The following GRPEL2 variants were observed in gnomAD, a reference collection of about 807,000 sequenced individuals.
GRPEL2 encodes the protein GrpE like 2, mitochondrial, also known as grpE protein homolog 2, mitochondrial.
A neutral mutation model predicts 25.9 loss-of-function variants in GRPEL2; 18 were observed. The observed-to-expected ratio is 0.70, with a 90% CI of 0.48 to 1.03. GRPEL2 has a LOEUF of 1.03. GRPEL2 is among the 50% of genes least tolerant of loss of function. The pLI, the probability that GRPEL2 is intolerant of heterozygous loss-of-function variation, is 0.00. For synonymous variants in GRPEL2, 106 were observed against 107.9 expected (o/e 0.98, Z 0.11); for missense variants, 247 against 276.2 (o/e 0.89, Z 0.75).
At chr5:149,349,425 C>G (rs913424027) in intron 2 of GRPEL2, among the ~76,000 whole-genome samples, 1 of 152,160 alleles carries the variant, frequency 6.6e-6, no homozygotes, top group East Asian at 1.9e-4. Context: ...AACTTGAAAC[C>G]GTTAGGAGTT....
rs1757822309 is a variant in GRPEL2, at chr5:149,354,284, C to A, written c.*3002C>A. The A allele has an allele frequency of 6.6e-6, 1 of 152,194 alleles. No individual in the cohort carries two copies. Among genetic ancestry groups the A allele is most frequent in the Admixed American group, 6.5e-5 (1 of 15,280 alleles). 9.4% of individuals were successfully genotyped at this position (152,194 alleles called of 1,614,324 possible). On this transcript the variant is annotated 3_prime_UTR_variant, in exon 4 of 4. Transcript: ENST00000329271. ...GAAAAGACATTGACTTGAGATGATA[C>A]TAAGGAAGCTTTGGCTCACTCTCAC... is the stretch of plus-strand genomic sequence containing the variant.
rs1260652292 is a variant in GRPEL2, at chr5:149,354,383, G to C, written c.*3101G>C. 6.6e-6 allele frequency: 1 copy of C among 152,212 alleles called. No homozygotes were observed. The highest frequency in any genetic ancestry group is 1.5e-5 in the Non-Finnish European group (1 of 68,036). 9.4% of individuals were successfully genotyped at this position (152,212 alleles called of 1,614,324 possible). On this transcript the variant is annotated 3_prime_UTR_variant, in exon 4 of 4. Transcript: ENST00000329271. ...TACTGACTTTTCTTACTGCTGTAAAGGAATCAGGCAGTTGGGTATTGATAT... is the reference window on the plus strand; with the variant it reads ...TACTGACTTTTCTTACTGCTGTAAACGAATCAGGCAGTTGGGTATTGATAT...
At chr5:149,349,773 G>A (rs1757747756) in intron 3 of GRPEL2, 38 bp downstream of exon 3, 1 of 1,457,706 alleles carries the variant, frequency 6.9e-7, no homozygotes, top group African/African-American at 1.4e-5. Flanking sequence ...TCTTTGGTTG[G>A]GCACAGTGGC....
At position 149,351,631 on chromosome 5, in the gene GRPEL2, A is replaced by G. The variant is rs189160051; in HGVS notation, c.*349A>G. On this transcript the variant is annotated 3_prime_UTR_variant, in exon 4 of 4. Coordinates refer to ENST00000329271, the MANE Select transcript of GRPEL2 (RefSeq NM_152407.4). ...GTCTCTATAACAGGAATTGTGTAGT[A>G]TCTTGTATTTTGTGGAAAAAGGAGA... 1 of 174,322 alleles carries G rather than the reference A, an allele frequency of 5.7e-6. No individual in the cohort carries two copies. Among genetic ancestry groups the G allele is most frequent in the East Asian group, 1.5e-4 (1 of 6,700 alleles). 10.8% of individuals were successfully genotyped at this position (174,322 alleles called of 1,614,324 possible). A position where few individuals can be genotyped will look rare whatever the true frequency, so the allele number is the denominator to read the frequency against.
At chr5:149,349,043 T>G (rs906087966) in intron 2 of GRPEL2, among the ~76,000 whole-genome samples, 1 of 152,100 alleles carries the variant, frequency 6.6e-6, no homozygotes, top group Non-Finnish European at 1.5e-5. Context: ...TTGTCCAGGC[T>G]GGAGTACAAT....
Position 149,351,483 on chromosome 5 carries a change from AACAGTGTG to A in GRPEL2, c.*206_*213del, listed in dbSNP as rs1018052760. ...CAGAAGTCTTACCATTGGGCATTTGAACAGTGTGACAGGTGTTCCAATGGCCTTTATCA... is the reference window on the plus strand; with the variant it reads ...CAGAAGTCTTACCATTGGGCATTTGAACAGGTGTTCCAATGGCCTTTATCA... On this transcript the variant is annotated 3_prime_UTR_variant, in exon 4 of 4. Transcript: ENST00000329271. 5 of 559,466 alleles carry A rather than the reference AACAGTGTG, an allele frequency of 8.9e-6. No individual in the cohort carries two copies. The African/African-American group carries it at 9.4e-5, about 10-fold the overall frequency. 34.7% of individuals were successfully genotyped at this position (559,466 alleles called of 1,614,324 possible).
rs1757682440 is a variant in GRPEL2 at position 149,345,957 on chromosome 5, C to T, written c.77+341C>T. 4 of 333,326 alleles carry T rather than the reference C, an allele frequency of 1.2e-5. No individual in the cohort carries two copies. In the East Asian group the frequency reaches 2.7e-4, roughly 23 times the overall value. The allele number at this position is 333,326 out of a possible 1,614,324, so 20.6% of individuals were successfully genotyped here. ...TGTGGGTAAATTTGGGTTCTCTCCCCTCACTCCGTGTGACCTAAGGCCAGT... is the reference window on the plus strand; with the variant it reads ...TGTGGGTAAATTTGGGTTCTCTCCCTTCACTCCGTGTGACCTAAGGCCAGT... On this transcript the variant is annotated intron_variant, in intron 1 of 3. Coordinates refer to ENST00000329271, the MANE Select transcript of GRPEL2 (RefSeq NM_152407.4).
At chr5:149,348,885 G>T (rs1226139018) in intron 2 of GRPEL2, among the ~76,000 whole-genome samples, 1 of 152,132 alleles carries the variant, frequency 6.6e-6, no homozygotes, top group Non-Finnish European at 1.5e-5. Context: ...TGGTAAGGAG[G>T]CTGGAAAGCA....
chr5:149,347,348 G>T (rs1044074312), intron 1 of GRPEL2, among the ~76,000 whole-genome samples: 1 of 152,152 alleles, frequency 6.6e-6, no homozygotes, highest in African/African-American at 2.4e-5. Context: ...CCACTCTACA[G>T]TATATGCCAG....
rs1185434067 is a variant in GRPEL2, at chr5:149,352,782, G to A, written c.*1500G>A. 1 of 152,098 alleles carries A rather than the reference G, an allele frequency of 6.6e-6. No homozygotes were observed. Among genetic ancestry groups the A allele is most frequent in the Non-Finnish European group, 1.5e-5 (1 of 68,032 alleles). 9.4% of individuals were successfully genotyped at this position (152,098 alleles called of 1,614,324 possible). A position where few individuals can be genotyped will look rare whatever the true frequency, so the allele number is the denominator to read the frequency against. On this transcript the variant is annotated 3_prime_UTR_variant, in exon 4 of 4. Transcript: ENST00000329271. ...TGAAAATCTAGTCTTTTTAGGACTG[G>A]ACACAAGGAAAATAATCTCTAAACT...
chr5:149,351,468 A>C lies in GRPEL2; in HGVS notation c.*186A>C. 1 of 605,766 alleles carries C rather than the reference A, an allele frequency of 1.7e-6. No individual in the cohort carries two copies. Among genetic ancestry groups the C allele is most frequent in the Non-Finnish European group, 2.8e-6 (1 of 363,286 alleles). The allele number at this position is 605,766 out of a possible 1,614,324, so 37.5% of individuals were successfully genotyped here. On this transcript the variant is annotated 3_prime_UTR_variant, in exon 4 of 4. Coordinates refer to ENST00000329271, the MANE Select transcript of GRPEL2 (RefSeq NM_152407.4). ...CCTGTTTGGTCTCATCAGAAGTCTT[A>C]CCATTGGGCATTTGAACAGTGTGAC...
At chr5:149,349,893 A>T in intron 3 of GRPEL2, 158 bp downstream of exon 3, 1 of 612,436 alleles carries the variant, frequency 1.6e-6, no homozygotes, top group Non-Finnish European at 2.9e-6. Flanking sequence ...TGAAAATACA[A>T]ACTAGCTAGG....
Position 149,349,647 on chromosome 5 carries a change from T to G in GRPEL2, c.232-7T>G. On this transcript the variant is annotated splice_polypyrimidine_tract_variant and splice_region_variant and intron_variant, in intron 2 of 3. Coordinates refer to ENST00000329271, the MANE Select transcript of GRPEL2 (RefSeq NM_152407.4). ...CTCATCCTTTTGATTTTGCTTTTGA[T>G]ATTCAGGTGAGATACCAGAGAGCTA... 1 of 1,573,320 alleles carries G rather than the reference T, an allele frequency of 6.4e-7. No individual in the cohort carries two copies. The highest frequency in any genetic ancestry group is 1.2e-5 in the South Asian group (1 of 85,838).
At position 149,351,709 on chromosome 5, in the gene GRPEL2, G is replaced by A. The variant is rs1049730385; in HGVS notation, c.*427G>A. The A allele has an allele frequency of 2.6e-5, 4 of 156,372 alleles. No individual in the cohort carries two copies. Among genetic ancestry groups the A allele is most frequent in the Admixed American group, 1.2e-4 (2 of 16,308 alleles). The allele number at this position is 156,372 out of a possible 1,614,324, so 9.7% of individuals were successfully genotyped here. The stretch of plus-strand genomic sequence containing the variant: ...ACTTAGAGGATAAAGCTTCGTGGTC[G>A]TATAAATTTAGATCATTTGGATTGA... On this transcript the variant is annotated 3_prime_UTR_variant, in exon 4 of 4. Coordinates refer to ENST00000329271, the MANE Select transcript of GRPEL2 (RefSeq NM_152407.4).
At position 149,353,016 on chromosome 5, in the gene GRPEL2, G is replaced by A. The variant is rs1297537644; in HGVS notation, c.*1734G>A. On this transcript the variant is annotated 3_prime_UTR_variant, in exon 4 of 4. Transcript: ENST00000329271. Reference sequence around the variant, plus strand: ...ATAAAATAAAATTCATTTTCCACTGGAACTCTATGACATTCAGTGGAGTGG... The same window carrying A: ...ATAAAATAAAATTCATTTTCCACTGAAACTCTATGACATTCAGTGGAGTGG... 1.3e-5 allele frequency: 2 copies of A among 152,582 alleles called. No homozygotes were observed. The highest frequency in any genetic ancestry group is 2.1e-4 in the South Asian group (1 of 4,826). 9.5% of individuals were successfully genotyped at this position (152,582 alleles called of 1,614,324 possible).
chr5:149,350,843 G>A, intron 3 of GRPEL2, 75 bp from the exon 4 acceptor site: 1 of 1,506,558 alleles, frequency 6.6e-7, no homozygotes, highest in Admixed American at 1.9e-5. Flanking sequence ...CGTCTATCTA[G>A]GCCTTACCCA....
intron 2 of GRPEL2, among the ~76,000 whole-genome samples, chr5:149,348,638 G>A (rs756902116): frequency 5.3e-5 from 8 of 152,122 alleles, no homozygotes; most frequent in African/African-American, 7.2e-5. Flanking sequence ...ATCTCTTTTC[G>A]GTTTCCTGTT....
intron 1 of GRPEL2, 171 bp downstream of exon 1, chr5:149,345,787 T>A (rs1757678986): frequency 1.6e-6 from 1 of 619,268 alleles, no homozygotes; most frequent in Admixed American, 3.0e-5. Flanking sequence ...ACGGGGAAAC[T>A]GAGGCCATCA....
In GRPEL2 at chr5:149,350,940, C is replaced by G. The variant is rs1271892117; in HGVS notation, c.336C>G (p.Asp112Glu). 3 of 1,613,632 alleles carry G rather than the reference C, an allele frequency of 1.9e-6. No individual in the cohort carries two copies. The African/African-American group carries it at 4.0e-5, about 22-fold the overall frequency. The change falls in exon 4 of 4, where the codon GAC (aspartate) becomes GAG (glutamate). Residue 112 changes from aspartate to glutamate, a missense_variant. Physicochemically the swap from Asp to Glu is conservative, Grantham distance 45. Around this residue, in one of 2 missense-constraint regions of GRPEL2, gnomAD observed 122 missense variants for 169.2 expected, o/e 0.72. Coordinates refer to ENST00000329271, the MANE Select transcript of GRPEL2 (RefSeq NM_152407.4). Reference protein sequence around the residue: ...KIFGIQSFCKDLVEVADILEK... With the variant: ...KIFGIQSFCKELVEVADILEK... ...CAGGAATCCAGAGTTTCTGTAAGGACTTGGTGGAGGTGGCTGACATTTTGG... is the reference window on the plus strand; with the variant it reads ...CAGGAATCCAGAGTTTCTGTAAGGAGTTGGTGGAGGTGGCTGACATTTTGG...
Sources: gnomAD v4.1 joint callset for allele counts (sites outside exome capture counted in the v4.1 genomes callset) on GRCh38, gnomAD v4.1.1 for gene constraint, gnomAD v4.1.1 regional missense constraint, MANE v1.5 for transcripts, NCBI Gene and HGNC (gene_info 2026-07-23, HGNC 2026-07-21) for gene names.